Variants in BMPR1B observed in about 807,000 individuals in gnomAD.
BMPR1B encodes bone morphogenetic protein receptor type 1B.
Under a neutral mutation model 59.1 loss-of-function variants are expected in BMPR1B, and 12 were observed. The observed-to-expected ratio is 0.20, with a 90% CI of 0.13 to 0.33. The LOEUF (loss-of-function observed/expected upper bound fraction) is 0.33. Among genes scored for constraint, BMPR1B ranks in the 10% least tolerant of loss-of-function variants. BMPR1B has a pLI of 1.00. For synonymous variants in BMPR1B, 237 were observed against 207.3 expected (o/e 1.14, Z -1.23); for missense variants, 550 against 610.9 (o/e 0.90, Z 1.05).
rs139537165 is a variant in BMPR1B, at chr4:94,856,191, T to G, written c.-182-19640T>G. On this transcript the variant is annotated intron_variant, in intron 1 of 12. Transcript: ENST00000515059. ...AGAGGTAGTTTTTGTTGTTGTTGTT[T>G]TTTTGATAAGATCTGCTGCTTGCTC... is the stretch of plus-strand genomic sequence containing the variant. Among the ~76,000 whole-genome samples the G allele has an allele frequency of 2.2e-3, 337 of 152,322 alleles. 1 individual carries two copies. Among genetic ancestry groups the G allele is most frequent in the African/African-American group, 5.9e-3 (246 of 41,580 alleles).
At chr4:94,996,839 GTTCT>G (rs1201310027) in intron 3 of BMPR1B, among the ~76,000 whole-genome samples, 4 of 152,156 alleles carry the variant, frequency 2.6e-5, no homozygotes, top group Non-Finnish European at 1.5e-5. Context: ...TGCATTAATA[GTTCT>G]TTTTCTCCTG....
At chr4:95,092,996 C>T (rs1730104832) in intron 3 of BMPR1B, among the ~76,000 whole-genome samples, 7 of 152,110 alleles carry the variant, frequency 4.6e-5, no homozygotes, top group Admixed American at 4.6e-4. Flanking sequence ...TTCTAGTTGA[C>T]TCTGACATTA....
At chr4:94,943,081 G>A (rs1729578101) in intron 2 of BMPR1B, among the ~76,000 whole-genome samples, 1 of 151,854 alleles carries the variant, frequency 6.6e-6, no homozygotes, top group Admixed American at 6.6e-5. Flanking sequence ...TATATGCAGA[G>A]TAGTATGGAG....
At chr4:94,975,233 ACT>A (rs1578870263) in intron 2 of BMPR1B, among the ~76,000 whole-genome samples, 2 of 151,450 alleles carry the variant, frequency 1.3e-5, no homozygotes, top group Non-Finnish European at 2.9e-5. Context: ...AGAACCATTA[ACT>A]CTGTCCAGGA....
rs1228431149 is a variant in BMPR1B, at chr4:95,115,759, C to T, written c.321C>T (p.His107=). The T allele has an allele frequency of 6.2e-7, 1 of 1,613,020 alleles. No homozygotes were observed. Among genetic ancestry groups the T allele is most frequent in the Admixed American group, 1.7e-5 (1 of 60,004 alleles). Residue 107 remains histidine (H), a synonymous_variant, in exon 6 of 13, where the codon CAC becomes CAT. Transcript: ENST00000515059. ...TERNECNKDL[H]PTLPPLKNRD... is the part of the protein sequence containing the mutation. ...GGAACGAATGTAATAAAGACCTACA[C>T]CCTACACTGCCTCCATTGAAAAACA... is the stretch of plus-strand genomic sequence containing the variant.
At chr4:94,894,817 A>G (rs528322251) in intron 2 of BMPR1B, among the ~76,000 whole-genome samples, 1 of 151,798 alleles carries the variant, frequency 6.6e-6, no homozygotes, top group African/African-American at 2.4e-5. Flanking sequence ...GCAGCTCTGT[A>G]TGCTAGTTTG....
intron 2 of BMPR1B, among the ~76,000 whole-genome samples, chr4:94,923,844 T>C (rs2149027413): frequency 6.6e-6 from 1 of 152,246 alleles, no homozygotes; most frequent in Non-Finnish European, 1.5e-5. Flanking sequence ...ATTTGGGTTC[T>C]AGATCTCTTT....
intron 6 of BMPR1B, among the ~76,000 whole-genome samples, chr4:95,119,518 A>G (rs939195629): frequency 6.6e-6 from 1 of 152,210 alleles, no homozygotes; most frequent in African/African-American, 2.4e-5. Flanking sequence ...TGTTTAGACA[A>G]TGAATGCTCA....
At position 94,932,077 on chromosome 4, in the gene BMPR1B, G is replaced by C. The variant is rs11097448; in HGVS notation, c.-113+56177G>C. ...AGAATTTTATAGATTTTGGCCAAAG[G>C]CTGTTCCAAATAAAAAGTAAGTGTT... On this transcript the variant is annotated intron_variant, in intron 2 of 12. Coordinates refer to ENST00000515059, the MANE Select transcript of BMPR1B (RefSeq NM_001203.3). Among the ~76,000 whole-genome samples the C allele has an allele frequency of 3.3e-5, 5 of 152,168 alleles. No homozygotes were observed. The East Asian group carries it at 5.8e-4, about 18-fold the overall frequency.
intron 10 of BMPR1B, among the ~76,000 whole-genome samples, chr4:95,143,528 A>G (rs1466723195): frequency 1.3e-5 from 2 of 152,090 alleles, no homozygotes; most frequent in Non-Finnish European, 2.9e-5. Flanking sequence ...TCACTTTGTT[A>G]GTGTCTTCCC....
chr4:94,785,255 A>G lies in BMPR1B; in HGVS notation c.-183+27187A>G, dbSNP rs55697385. Among the ~76,000 whole-genome samples, 1,162 of 152,272 alleles carry G rather than the reference A, an allele frequency of 7.6e-3. 14 individuals are homozygous for G. The highest frequency in any genetic ancestry group is 0.026 in the African/African-American group (1,097 of 41,554). On this transcript the variant is annotated intron_variant, in intron 1 of 12. Transcript: ENST00000515059. ...CTGTGCTCACCAAAGAATTATTGACATGTAAACTTGGCCTCAAACTCTGAT... is the reference window on the plus strand; with the variant it reads ...CTGTGCTCACCAAAGAATTATTGACGTGTAAACTTGGCCTCAAACTCTGAT...
intron 3 of BMPR1B, among the ~76,000 whole-genome samples, chr4:95,029,183 G>A (rs1341682522): frequency 2.0e-5 from 3 of 151,480 alleles, no homozygotes; most frequent in Non-Finnish European, 4.4e-5. Flanking sequence ...TGCCATGCTG[G>A]TGTGCTGCAC....
At chr4:94,935,422 T>C (rs1364979488) in intron 2 of BMPR1B, among the ~76,000 whole-genome samples, 1 of 152,214 alleles carries the variant, frequency 6.6e-6, no homozygotes, top group African/African-American at 2.4e-5. Context: ...CCAGGCACCC[T>C]TCTAGGCACC....
intron 1 of BMPR1B, among the ~76,000 whole-genome samples, chr4:94,812,587 AT>A (rs1441058619): frequency 1.6e-4 from 24 of 152,212 alleles, no homozygotes; most frequent in Admixed American, 1.6e-3. Context: ...CATTATATCA[AT>A]GAGATAATCA....
At chr4:95,083,511 G>A (rs78082249) in intron 3 of BMPR1B, among the ~76,000 whole-genome samples, 150 of 152,230 alleles carry the variant, frequency 9.9e-4, no homozygotes, top group African/African-American at 3.2e-3. Context: ...TGTGTTAGAG[G>A]GGAAAAGGAG....
At chr4:94,823,390 T>A (rs567692280) in intron 1 of BMPR1B, among the ~76,000 whole-genome samples, 73 of 152,284 alleles carry the variant, frequency 4.8e-4, no homozygotes, top group African/African-American at 1.4e-3. Flanking sequence ...GGCTGCCACA[T>A]TTCTGTGGGT....
rs377453081 is a variant in BMPR1B, at chr4:95,021,978, A to G, written c.-18+25844A>G. Among the ~76,000 whole-genome samples, 40 of 152,346 alleles carry G rather than the reference A, an allele frequency of 2.6e-4. No individual in the cohort carries two copies. The South Asian group carries it at 7.5e-3, about 28-fold the overall frequency. On this transcript the variant is annotated intron_variant, in intron 3 of 12. Transcript: ENST00000515059. ...TACCTCAAAATAGCTTGCTAAATAG[A>G]TGAAAAATAACTTGTTTAAAAAACA... is the stretch of plus-strand genomic sequence containing the variant.
rs35436544 is a variant in BMPR1B, at chr4:95,116,421, G to GCACACACACACACACACACA, written c.349+658_349+677dup. Among the ~76,000 whole-genome samples, 756 of 123,214 alleles carry GCACACACACACACACACACA rather than the reference G, an allele frequency of 6.1e-3. 8 individuals are homozygous for GCACACACACACACACACACA. Among genetic ancestry groups the GCACACACACACACACACACA allele is most frequent in the Non-Finnish European group, 8.4e-3 (528 of 62,772 alleles). The allele number at this position is 123,214 out of a possible 152,430, so 80.8% of individuals were successfully genotyped here. ...CTCCTCCTCCATGCTTTCAGCGCGCGCACACACACACACACACACACACAC... is the reference window on the plus strand; with the variant it reads ...CTCCTCCTCCATGCTTTCAGCGCGCGCACACACACACACACACACACACACACACACACACACACACACAC... On this transcript the variant is annotated intron_variant, in intron 6 of 12. Transcript: ENST00000515059.
chr4:94,841,832 T>C (rs1389657719), intron 1 of BMPR1B, among the ~76,000 whole-genome samples: 2 of 152,222 alleles, frequency 1.3e-5, no homozygotes, highest in African/African-American at 4.8e-5. Flanking sequence ...ATAATGAAAA[T>C]GAAAATATCT....
Sources: gnomAD v4.1 joint callset for allele counts (sites outside exome capture counted in the v4.1 genomes callset) on GRCh38, gnomAD v4.1.1 for gene constraint, MANE v1.5 for transcripts, NCBI Gene and HGNC (gene_info 2026-07-23, HGNC 2026-07-21) for gene names.